Variants in MYO3B observed in about 807,000 individuals in gnomAD.
The protein encoded by MYO3B is myosin IIIB, also known as myosin-IIIb.
Under a neutral mutation model 174.6 loss-of-function variants are expected in MYO3B, and 156 were observed. That is an observed-to-expected ratio of 0.89 (90% CI 0.78 to 1.02). The LOEUF is 1.02. MYO3B is among the 50% of genes least tolerant of loss of function. The pLI is 0.00. For synonymous variants in MYO3B, 563 were observed against 569.1 expected (o/e 0.99, Z 0.15); for missense variants, 1,632 against 1,639.4 (o/e 1.00, Z 0.08).
In MYO3B at chr2:170,652,095, G is replaced by A. The variant is rs746593599; in HGVS notation, c.3841-13G>A. The A allele has an allele frequency of 2.5e-6, 4 of 1,610,762 alleles. 1 individual carries two copies. The South Asian group carries it at 4.4e-5, about 18-fold the overall frequency. On this transcript the variant is annotated splice_polypyrimidine_tract_variant and intron_variant, in intron 33 of 34. Coordinates refer to ENST00000408978, the MANE Select transcript of MYO3B (RefSeq NM_138995.5). ...GCTTTGCTTTGACTGTGTGTTCTTG[G>A]CCCTCTCCACAGGGAACTCTAGAAT...
chr2:170,312,007 G>A (rs2093743301), intron 7 of MYO3B, among the ~76,000 whole-genome samples: 1 of 152,168 alleles, frequency 6.6e-6, no homozygotes, highest in African/African-American at 2.4e-5. Context: ...CTGTTGCTTT[G>A]TAGTAGGTGT....
chr2:170,304,762 C>A (rs13405547), intron 7 of MYO3B, among the ~76,000 whole-genome samples: 4,519 of 152,026 alleles, frequency 0.03, 232 homozygotes, highest in African/African-American at 0.1. Flanking sequence ...CCATCGCATC[C>A]GGCCCTTTTC....
chr2:170,277,317 A>G (rs536499114), intron 7 of MYO3B, among the ~76,000 whole-genome samples: 27 of 152,292 alleles, frequency 1.8e-4, no homozygotes, highest in African/African-American at 5.8e-4. Flanking sequence ...TTCCCAAGAA[A>G]CTAAAACGTC....
intron 7 of MYO3B, among the ~76,000 whole-genome samples, chr2:170,317,345 A>G (rs962140236): frequency 6.6e-6 from 1 of 152,216 alleles, no homozygotes; most frequent in Non-Finnish European, 1.5e-5. Context: ...TGCCTAGCGA[A>G]CTTGTTAAAA....
intron 23 of MYO3B, among the ~76,000 whole-genome samples, chr2:170,446,275 G>A (rs1173982363): frequency 3.3e-5 from 5 of 152,138 alleles, no homozygotes; most frequent in Non-Finnish European, 7.3e-5. Flanking sequence ...TTCTAAAAGG[G>A]ATTATGACAC....
intron 32 of MYO3B, among the ~76,000 whole-genome samples, chr2:170,559,100 G>A (rs1691541516): frequency 6.6e-6 from 1 of 152,174 alleles, no homozygotes; most frequent in Non-Finnish European, 1.5e-5. Flanking sequence ...AGCTTTCAAG[G>A]TCTTTTGTTC....
At chr2:170,569,704 A>G (rs1335155776) in intron 32 of MYO3B, among the ~76,000 whole-genome samples, 2 of 151,810 alleles carry the variant, frequency 1.3e-5, no homozygotes, top group African/African-American at 4.8e-5. Flanking sequence ...TCTACTAAAA[A>G]TAAAAAAATT....
intron 7 of MYO3B, among the ~76,000 whole-genome samples, chr2:170,286,133 C>A (rs566280334): frequency 4.2e-4 from 64 of 152,266 alleles, no homozygotes; most frequent in South Asian, 1.9e-3. Context: ...ATAAAGCAGA[C>A]CCCTTTTAAT....
At chr2:170,313,343 C>T (rs990733046) in intron 7 of MYO3B, among the ~76,000 whole-genome samples, 9 of 151,988 alleles carry the variant, frequency 5.9e-5, no homozygotes, top group Admixed American at 4.6e-4. Context: ...ACATAGTGCT[C>T]AGTAAGTACA....
At chr2:170,219,075 A>G (rs1156275291) in intron 6 of MYO3B, among the ~76,000 whole-genome samples, 1 of 152,160 alleles carries the variant, frequency 6.6e-6, no homozygotes, top group Admixed American at 6.5e-5. Flanking sequence ...GTACTATTAT[A>G]TCATCTGGAA....
At chr2:170,339,330 G>A (rs539021346) in intron 8 of MYO3B, among the ~76,000 whole-genome samples, 11 of 152,260 alleles carry the variant, frequency 7.2e-5, no homozygotes, top group Admixed American at 3.9e-4. Context: ...GTTCCTTAAC[G>A]GCTTTAAGAC....
At chr2:170,624,329 G>A (rs990036108) in intron 32 of MYO3B, among the ~76,000 whole-genome samples, 4 of 152,108 alleles carry the variant, frequency 2.6e-5, no homozygotes, top group African/African-American at 9.7e-5. Context: ...TATTCTCTTT[G>A]TAGGAATTGT....
chr2:170,518,149 T>G (rs947276424), intron 29 of MYO3B, among the ~76,000 whole-genome samples: 18 of 152,310 alleles, frequency 1.2e-4, no homozygotes, highest in African/African-American at 3.9e-4. Flanking sequence ...CAAGAAATAT[T>G]TATGCTGAGG....
chr2:170,444,482 T>G (rs7564666), intron 23 of MYO3B, among the ~76,000 whole-genome samples: 1,805 of 152,358 alleles, frequency 0.012, 34 homozygotes, highest in African/African-American at 0.041. Flanking sequence ...AACTGTTCTA[T>G]CCTTCCAGCT....
chr2:170,230,191 A>C (rs1474716070), intron 6 of MYO3B, among the ~76,000 whole-genome samples: 3 of 145,414 alleles, frequency 2.1e-5, no homozygotes, highest in African/African-American at 5.1e-5. Context: ...TTTTTTCGAG[A>C]CAGAGTCTTG....
At chr2:170,241,771 C>T (rs569334405) in intron 7 of MYO3B, among the ~76,000 whole-genome samples, 2 of 151,994 alleles carry the variant, frequency 1.3e-5, no homozygotes, top group Middle Eastern at 3.4e-3. Flanking sequence ...TGCCTACAAT[C>T]GACTCTCATC....
At chr2:170,454,274 C>A (rs1683782106) in intron 23 of MYO3B, among the ~76,000 whole-genome samples, 1 of 152,158 alleles carries the variant, frequency 6.6e-6, no homozygotes, top group Non-Finnish European at 1.5e-5. Flanking sequence ...CTTGAAGGAG[C>A]CAAACCTATC....
chr2:170,408,464 A>G (rs1020977088), intron 22 of MYO3B: 2 of 152,262 alleles, frequency 1.3e-5, no homozygotes, highest in Non-Finnish European at 1.5e-5. Flanking sequence ...CCAGGTCTTA[A>G]CTGTTTTTCC....
At chr2:170,632,261 A>T (rs1482541437) in intron 32 of MYO3B, among the ~76,000 whole-genome samples, 1 of 152,226 alleles carries the variant, frequency 6.6e-6, no homozygotes, top group Non-Finnish European at 1.5e-5. Flanking sequence ...AATGTAAAAC[A>T]ACAGAAATCA....
Sources: gnomAD v4.1 joint callset for allele counts (sites outside exome capture counted in the v4.1 genomes callset) on GRCh38, gnomAD v4.1.1 for gene constraint, MANE v1.5 for transcripts, NCBI Gene and HGNC (gene_info 2026-07-23, HGNC 2026-07-21) for gene names.